Variants in BLTP1 observed in about 807,000 individuals in gnomAD.
BLTP1 encodes fragile site-associated protein.
the BLTP1 span, chr4:122,264,539 T>G: frequency 1.1e-6 from 1 of 914,684 alleles, no homozygotes; most frequent in Non-Finnish European, 1.5e-6. Flanking sequence ...ATACCTTACC[T>G]ATCTGCCTAC....
chr4:122,251,112 T>A, the BLTP1 span: 1 of 984,870 alleles, frequency 1.0e-6, no homozygotes, highest in African/African-American at 1.7e-5. Context: ...GTCGTGCCAC[T>A]AACTGGTGAC....
chr4:122,255,277 T>C, the BLTP1 span: 1 of 1,589,060 alleles, frequency 6.3e-7, no homozygotes, highest in Non-Finnish European at 8.6e-7. Context: ...TTGATGATGC[T>C]ACAATGGTAA....
chr4:122,230,542 T>G, the BLTP1 span, among the ~76,000 whole-genome samples: 11 of 152,110 alleles, frequency 7.2e-5, no homozygotes, highest in African/African-American at 2.7e-4. Context: ...TCACCACAGC[T>G]CTCCACTTTC....
At chr4:122,199,407 C>T in the BLTP1 span, 1 of 1,613,564 alleles carries the variant, frequency 6.2e-7, no homozygotes, top group South Asian at 1.1e-5. Context: ...GATGCCACTA[C>T]CAGCATGCAA....
At chr4:122,336,051 A>G in the BLTP1 span, 3 of 612,904 alleles carry the variant, frequency 4.9e-6, no homozygotes, top group Non-Finnish European at 8.3e-6. Flanking sequence ...TATCATTCCT[A>G]TCAACCTGCT....
chr4:122,293,911 G>C, the BLTP1 span, among the ~76,000 whole-genome samples: 235 of 152,236 alleles, frequency 1.5e-3, no homozygotes, highest in Non-Finnish European at 2.6e-3. Flanking sequence ...TCCAGACTGG[G>C]AGGAGTTCCC....
chr4:122,248,120 G>A, the BLTP1 span: 8 of 985,038 alleles, frequency 8.1e-6, no homozygotes, highest in Non-Finnish European at 9.6e-6. Context: ...CTTTCTCAAG[G>A]CTTATTTTTT....
At chr4:122,157,523 A>C in the BLTP1 span, among the ~76,000 whole-genome samples, 1 of 152,172 alleles carries the variant, frequency 6.6e-6, no homozygotes, top group Non-Finnish European at 1.5e-5. Flanking sequence ...GGTGCAGTTC[A>C]TAATTGGGTT....
chr4:122,305,279 T>C, the BLTP1 span: 1 of 975,442 alleles, frequency 1.0e-6, no homozygotes, highest in Non-Finnish European at 1.2e-6. Flanking sequence ...CAAAGTCTTG[T>C]GCTAACATTA....
chr4:122,272,132 A>T, the BLTP1 span: 81 of 1,595,652 alleles, frequency 5.1e-5, no homozygotes, highest in Non-Finnish European at 6.7e-5. Context: ...TCGTATCTAA[A>T]ATTGTATATT....
At chr4:122,270,168 G>A in the BLTP1 span, 1 of 156,712 alleles carries the variant, frequency 6.4e-6, no homozygotes, top group East Asian at 1.9e-4. Flanking sequence ...CTACAATGGG[G>A]CATTTTTCTT....
the BLTP1 span, among the ~76,000 whole-genome samples, chr4:122,257,044 G>A: frequency 2.6e-5 from 4 of 152,044 alleles, no homozygotes; most frequent in East Asian, 3.9e-4. Flanking sequence ...AAGATGAAAC[G>A]TTGTGCCTAG....
the BLTP1 span, among the ~76,000 whole-genome samples, chr4:122,159,831 C>T: frequency 5.3e-5 from 8 of 152,176 alleles, no homozygotes; most frequent in Non-Finnish European, 1.0e-4. Context: ...TACTCTATTT[C>T]TAAGATACCA....
the BLTP1 span, chr4:122,222,065 C>A: frequency 4.7e-6 from 1 of 210,824 alleles, no homozygotes; most frequent in Non-Finnish European, 8.2e-6. Context: ...AGTAGAGATA[C>A]CAAGGTGAAA....
chr4:122,274,803 G>T, the BLTP1 span: 1 of 177,956 alleles, frequency 5.6e-6, no homozygotes, highest in Non-Finnish European at 1.1e-5. Flanking sequence ...AGAGGATTTG[G>T]TTCAGCGTTA....
At chr4:122,184,718 A>G in the BLTP1 span, 1 of 985,330 alleles carries the variant, frequency 1.0e-6, no homozygotes, top group Non-Finnish European at 1.2e-6. Context: ...AACAACTGGT[A>G]CTATACAGTC....
chr4:122,246,099 G>C, the BLTP1 span: 1 of 1,491,796 alleles, frequency 6.7e-7, no homozygotes, highest in Middle Eastern at 1.8e-4. Flanking sequence ...TGTTGTGGAT[G>C]ATGTGGAAGT....
the BLTP1 span, chr4:122,280,052 A>T: frequency 6.2e-7 from 1 of 1,602,208 alleles, no homozygotes; most frequent in Non-Finnish European, 8.5e-7. Context: ...CTGCATTAAC[A>T]AAAGTTTGGA....
chr4:122,262,735 G>A, the BLTP1 span: 1 of 1,534,832 alleles, frequency 6.5e-7, no homozygotes, highest in Non-Finnish European at 8.8e-7. Flanking sequence ...ATATACATAA[G>A]AAATAACCCT....
Sources: gnomAD v4.1 joint callset for allele counts (sites outside exome capture counted in the v4.1 genomes callset) on GRCh38, gnomAD v4.1.1 for gene constraint, MANE v1.5 for transcripts, NCBI Gene and HGNC (gene_info 2026-07-23, HGNC 2026-07-21) for gene names.